The following MAST2 variants were observed in gnomAD, a reference collection of about 807,000 sequenced individuals.
MAST2 encodes microtubule associated serine/threonine kinase 2.
MAST2 carries 70 observed loss-of-function variants against 147.4 expected under a neutral mutation model. The ratio of observed to expected loss-of-function variants is 0.47; its 90% CI spans 0.39 to 0.58. The LOEUF is 0.58. Among genes scored for constraint, MAST2 ranks in the 20% least tolerant of loss-of-function variants. The pLI is 0.00. For missense variants in MAST2, 2,080 were observed against 2,302.3 expected (o/e 0.90, Z 1.98); for synonymous variants, 869 against 896.8 (o/e 0.97, Z 0.55).
chr1:45,921,723 G>A lies in MAST2; in HGVS notation c.501-37663G>A, dbSNP rs1296393846. Among the ~76,000 whole-genome samples the A allele has an allele frequency of 5.3e-5, 8 of 152,196 alleles. No individual in the cohort carries two copies. The South Asian group carries it at 8.3e-4, about 16-fold the overall frequency. On this transcript the variant is annotated intron_variant, in intron 4 of 28. Coordinates refer to ENST00000361297, the MANE Select transcript of MAST2 (RefSeq NM_015112.3). ...TAGGAGCCACCAGGCCCCAAAGCAG[G>A]AGTCACAGCTCAGGCTCGGGGAGCT...
intron 9 of MAST2, among the ~76,000 whole-genome samples, chr1:46,009,616 G>GTCC (rs1156430175): frequency 1.3e-5 from 2 of 152,192 alleles, no homozygotes; most frequent in Admixed American, 1.3e-4. Flanking sequence ...TCTCATGCTT[G>GTCC]TCCTCCTCCT....
At chr1:46,029,245 G>T in intron 18 of MAST2, 1 of 552,978 alleles carries the variant, frequency 1.8e-6, no homozygotes. Flanking sequence ...GAGTATAAAA[G>T]CAGGGTGAGC....
chr1:45,976,473 T>G (rs1644164494), intron 5 of MAST2, among the ~76,000 whole-genome samples: 1 of 152,170 alleles, frequency 6.6e-6, no homozygotes, highest in South Asian at 2.1e-4. Context: ...GGCACATGCC[T>G]GTAATCCCAG....
chr1:46,000,844 T>C (rs1020104176), intron 6 of MAST2: 2 of 644,260 alleles, frequency 3.1e-6, no homozygotes, highest in African/African-American at 3.7e-5. Context: ...CTTCAAACTA[T>C]CACACATTCC....
chr1:45,972,667 C>G (rs969367278), intron 5 of MAST2, among the ~76,000 whole-genome samples: 4 of 152,210 alleles, frequency 2.6e-5, no homozygotes, highest in African/African-American at 9.6e-5. Flanking sequence ...CAGGAACCCT[C>G]AGGTTACCCG....
Position 45,824,516 on chromosome 1 carries a change from T to A in MAST2, c.261T>A (p.Leu87=). The A allele has an allele frequency of 6.2e-7, 1 of 1,612,170 alleles. No homozygotes were observed. Among genetic ancestry groups the A allele is most frequent in the Non-Finnish European group, 8.5e-7 (1 of 1,178,850 alleles). The change falls in exon 2 of 29, where the codon CTT becomes CTA. Residue 87 remains leucine, a synonymous_variant. Coordinates refer to ENST00000361297, the MANE Select transcript of MAST2 (RefSeq NM_015112.3). ...DIFSSTGKVK[L]QRQLSQDDCK... is the part of the protein sequence containing the mutation. ...TTTCATCCACTGGAAAAGTTAAACT[T>A]CAGCGACAACTGAGTCAGGATGATT...
intron 4 of MAST2, among the ~76,000 whole-genome samples, chr1:45,883,848 A>G (rs1646953207): frequency 8.1e-6 from 1 of 124,186 alleles, no homozygotes. Context: ...ATAACTGAAA[A>G]GGAGTAGCTT....
At chr1:46,012,433 A>T (rs531654490) in intron 10 of MAST2, among the ~76,000 whole-genome samples, 41 of 152,234 alleles carry the variant, frequency 2.7e-4, no homozygotes, top group Admixed American at 6.5e-4. Context: ...GAATGCAGAA[A>T]AGAATTCAGT....
chr1:45,949,106 A>C, intron 4 of MAST2, among the ~76,000 whole-genome samples: 1 of 150,320 alleles, frequency 6.7e-6, no homozygotes. Flanking sequence ...TAAAGACTTA[A>C]ACGTAAAACT....
At chr1:45,970,233 T>A (rs1412604584) in intron 5 of MAST2, among the ~76,000 whole-genome samples, 1 of 152,136 alleles carries the variant, frequency 6.6e-6, no homozygotes, top group East Asian at 1.9e-4. Flanking sequence ...TTACAAAAAT[T>A]TGGGAGCCCC....
At chr1:46,000,944 AT>A (rs752387720) in intron 6 of MAST2, 2 of 1,289,254 alleles carry the variant, frequency 1.6e-6, no homozygotes, top group Non-Finnish European at 2.0e-6. Flanking sequence ...TATAATGTGT[AT>A]TTTTTTACTA....
At chr1:45,944,750 T>A (rs1196278352) in intron 4 of MAST2, among the ~76,000 whole-genome samples, 1 of 152,220 alleles carries the variant, frequency 6.6e-6, no homozygotes, top group Non-Finnish European at 1.5e-5. Context: ...TTATTTGCCA[T>A]CATGGTATTT....
At chr1:45,924,094 A>T (rs543579502) in intron 4 of MAST2, among the ~76,000 whole-genome samples, 6 of 151,042 alleles carry the variant, frequency 4.0e-5, no homozygotes, top group Admixed American at 3.3e-4. Flanking sequence ...CTGGTCTCAA[A>T]CTCCTGACAA....
intron 1 of MAST2, among the ~76,000 whole-genome samples, chr1:45,808,835 A>G (rs779868799): frequency 2.6e-5 from 4 of 151,914 alleles, no homozygotes; most frequent in Non-Finnish European, 4.4e-5. Context: ...TTAGCTTCTT[A>G]TTACCCATAG....
At chr1:45,838,076 G>T (rs1276103758) in intron 3 of MAST2, among the ~76,000 whole-genome samples, 1 of 151,916 alleles carries the variant, frequency 6.6e-6, no homozygotes, top group Non-Finnish European at 1.5e-5. Flanking sequence ...ACCGCACCCG[G>T]CTATCATTTT....
At chr1:45,867,461 G>A (rs528001027) in intron 3 of MAST2, among the ~76,000 whole-genome samples, 3 of 152,078 alleles carry the variant, frequency 2.0e-5, no homozygotes, top group Non-Finnish European at 2.9e-5. Context: ...TAGAAGTTCC[G>A]TGACAGCAAA....
At chr1:45,961,727 G>C (rs772356448) in intron 5 of MAST2, among the ~76,000 whole-genome samples, 1 of 152,014 alleles carries the variant, frequency 6.6e-6, no homozygotes, top group Non-Finnish European at 1.5e-5. Context: ...ATTGTTCCAC[G>C]CAGATCCCAC....
chr1:45,880,634 A>G (rs1457242170), intron 3 of MAST2, among the ~76,000 whole-genome samples: 2 of 152,234 alleles, frequency 1.3e-5, no homozygotes, highest in Non-Finnish European at 2.9e-5. Flanking sequence ...TAGCAAAAAT[A>G]ATTTTATAAA....
intron 4 of MAST2, among the ~76,000 whole-genome samples, chr1:45,888,088 C>A (rs1647172545): frequency 6.6e-6 from 1 of 152,180 alleles, no homozygotes; most frequent in Non-Finnish European, 1.5e-5. Flanking sequence ...AGTTGTCATG[C>A]TCATTATCCC....
Sources: gnomAD v4.1 joint callset for allele counts (sites outside exome capture counted in the v4.1 genomes callset) on GRCh38, gnomAD v4.1.1 for gene constraint, MANE v1.5 for transcripts, NCBI Gene and HGNC (gene_info 2026-07-23, HGNC 2026-07-21) for gene names.